Variants in PRKDC observed in about 807,000 individuals in gnomAD.
PRKDC encodes the protein DNA-dependent protein kinase catalytic subunit.
Under a neutral mutation model 486.9 loss-of-function variants are expected in PRKDC, and 82 were observed. The observed-to-expected ratio is 0.17, with a 90% confidence interval of 0.14 to 0.20. PRKDC has a LOEUF of 0.20. Among genes scored for constraint, PRKDC ranks in the 10% least tolerant of loss-of-function variants. The pLI is 1.00. For missense variants in PRKDC, 4,504 were observed against 5,038.2 expected (o/e 0.89, Z 3.21); for synonymous variants, 1,895 against 1,837.0 (o/e 1.03, Z -0.81).
At chr8:47,948,102 A>G (rs1461571305) in intron 7 of PRKDC, among the ~76,000 whole-genome samples, 4 of 145,656 alleles carry the variant, frequency 2.7e-5, no homozygotes, top group Admixed American at 6.7e-5. Context: ...ATATTTGCAC[A>G]CACACACACA....
At chr8:47,930,436 C>T (rs911085712) in intron 17 of PRKDC, among the ~76,000 whole-genome samples, 1 of 152,074 alleles carries the variant, frequency 6.6e-6, no homozygotes, top group Non-Finnish European at 1.5e-5. Flanking sequence ...CTATGCCCGG[C>T]GAATTTTTTG....
chr8:47,936,886 A>G lies in PRKDC; in HGVS notation c.1114-369T>C, dbSNP rs375264392. Among the ~76,000 whole-genome samples the G allele has an allele frequency of 1.3e-4, 19 of 150,390 alleles. No individual in the cohort carries two copies. In the South Asian group the frequency reaches 1.5e-3, roughly 12 times the overall value. On this transcript the variant is annotated intron_variant, in intron 11 of 85. Transcript: ENST00000314191. ...GTGATCTGCCCACCTCAGCCTCCCA[A>G]AGTGCTGGGATTACAGGCGGGAGCC...
intron 85 of PRKDC, 83 bp downstream of exon 85, chr8:47,776,761 A>T: frequency 6.6e-7 from 1 of 1,510,186 alleles, no homozygotes; most frequent in Non-Finnish European, 9.1e-7. Flanking sequence ...TCAAGAGCTC[A>T]GCACTTTGTA....
chr8:47,903,444 T>C (rs1219085776), intron 26 of PRKDC, among the ~76,000 whole-genome samples: 1 of 152,244 alleles, frequency 6.6e-6, no homozygotes, highest in African/African-American at 2.4e-5. Flanking sequence ...GAGTTCTGCC[T>C]AACACTTCCA....
intron 76 of PRKDC, among the ~76,000 whole-genome samples, chr8:47,787,127 T>C (rs1229896447): frequency 6.6e-6 from 1 of 152,220 alleles, no homozygotes; most frequent in Non-Finnish European, 1.5e-5. Flanking sequence ...ACTTGAATTA[T>C]AAATCTGATA....
At chr8:47,936,626 C>CTTT in intron 11 of PRKDC, 109 bp from the exon 12 acceptor site, 3 of 1,134,458 alleles carry the variant, frequency 2.6e-6, no homozygotes, top group East Asian at 2.9e-5. Context: ...AACAAGGCTT[C>CTTT]TTTTTTTTTT....
At chr8:47,842,774 G>A (rs993804946) in intron 54 of PRKDC, among the ~76,000 whole-genome samples, 3 of 152,158 alleles carry the variant, frequency 2.0e-5, no homozygotes, top group Admixed American at 6.5e-5. Flanking sequence ...TTCAGAATCC[G>A]GATGGCGAGA....
chr8:47,782,007 T>C lies in PRKDC; in HGVS notation c.11489+155A>G, dbSNP rs2086706822. Among the ~76,000 whole-genome samples the C allele has an allele frequency of 1.3e-5, 2 of 152,232 alleles. No homozygotes were observed. The highest frequency in any genetic ancestry group is 4.8e-5 in the African/African-American group (2 of 41,468). ...CGGTAAAATATCTGCAACTACTGGTTAGCAGCCAGCACTCCATTTGGTTTA... is the reference window on the plus strand; with the variant it reads ...CGGTAAAATATCTGCAACTACTGGTCAGCAGCCAGCACTCCATTTGGTTTA... On this transcript the variant is annotated intron_variant, in intron 80 of 85. Coordinates refer to ENST00000314191, the MANE Select transcript of PRKDC (RefSeq NM_006904.7). The surrounding 1 kb of genome is among the most constrained non-coding windows in gnomAD (Gnocchi z 4.9).
chr8:47,855,218 A>T lies in PRKDC; in HGVS notation c.6761+4T>A. 1 of 1,589,658 alleles carries T rather than the reference A, an allele frequency of 6.3e-7. No homozygotes were observed. The highest frequency in any genetic ancestry group is 1.8e-5 in the Admixed American group (1 of 55,572). On this transcript the variant is annotated splice_donor_region_variant and intron_variant, in intron 50 of 85. Transcript: ENST00000314191. ...AACAATACTGCAAAAACCAGTAAACATACCTATAAGGGATGGATAAACAAT... is the reference window on the plus strand; with the variant it reads ...AACAATACTGCAAAAACCAGTAAACTTACCTATAAGGGATGGATAAACAAT...
chr8:47,938,835 G>T (rs1266764603), intron 11 of PRKDC, among the ~76,000 whole-genome samples: 1 of 152,088 alleles, frequency 6.6e-6, no homozygotes, highest in African/African-American at 2.4e-5. Flanking sequence ...GCGGTGAGAT[G>T]GTGAGATTAC....
rs371553528 is a variant in PRKDC, at chr8:47,932,203, C to A, written c.1776+817G>T. Among the ~76,000 whole-genome samples the A allele has an allele frequency of 3.2e-4, 48 of 152,350 alleles. No individual in the cohort carries two copies. In the East Asian group the frequency reaches 6.0e-3, roughly 19 times the overall value. On this transcript the variant is annotated intron_variant, in intron 16 of 85. Coordinates refer to ENST00000314191, the MANE Select transcript of PRKDC (RefSeq NM_006904.7). ...GGTTCATGCCATTCTCCTGCCTCAG[C>A]CTCCCGAGCAGCTGGGACTACAGGC...
At position 47,777,881 on chromosome 8, in the gene PRKDC, A is replaced by G; in HGVS notation, c.11854-7T>C. 1 of 1,613,042 alleles carries G rather than the reference A, an allele frequency of 6.2e-7. No individual in the cohort carries two copies. Among genetic ancestry groups the G allele is most frequent in the Non-Finnish European group, 8.5e-7 (1 of 1,179,374 alleles). On this transcript the variant is annotated splice_polypyrimidine_tract_variant and splice_region_variant and intron_variant, in intron 83 of 85. Transcript: ENST00000314191. ...ACTCAGGGACTGGCAGAAACTAAAC[A>G]AGAAAAAAGGCAAGGAGCAGAATAT...
intron 4 of PRKDC, among the ~76,000 whole-genome samples, chr8:47,955,144 ACT>A (rs2090680579): frequency 1.4e-5 from 2 of 147,886 alleles, no homozygotes; most frequent in African/African-American, 2.5e-5. Flanking sequence ...ACAGAACAAG[ACT>A]CTGTCTCAAA....
At chr8:47,884,214 T>A (rs568017363) in intron 36 of PRKDC, among the ~76,000 whole-genome samples, 1 of 152,318 alleles carries the variant, frequency 6.6e-6, no homozygotes, top group East Asian at 1.9e-4. Context: ...TCTCCTCAAG[T>A]GGGGAGGATC....
chr8:47,794,591 A>C (rs1243817287), intron 73 of PRKDC, 90 bp from the exon 74 acceptor site: 6 of 1,184,512 alleles, frequency 5.1e-6, no homozygotes, highest in Non-Finnish European at 7.0e-6. Flanking sequence ...AAGAAAACTC[A>C]GAAGTATAAA....
intron 76 of PRKDC, among the ~76,000 whole-genome samples, chr8:47,788,203 T>C (rs1325598691): frequency 6.6e-6 from 1 of 152,200 alleles, no homozygotes; most frequent in African/African-American, 2.4e-5. Context: ...CTTCTGGAGA[T>C]CCCTGCGTGG....
At position 47,939,513 on chromosome 8, in the gene PRKDC, G is replaced by C. The variant is rs535612923; in HGVS notation, c.1113+38C>G. 1.3e-5 allele frequency: 20 copies of C among 1,593,600 alleles called. No individual in the cohort carries two copies. The African/African-American group carries it at 2.6e-4, about 20-fold the overall frequency. On this transcript the variant is annotated intron_variant, in intron 11 of 85. Coordinates refer to ENST00000314191, the MANE Select transcript of PRKDC (RefSeq NM_006904.7). ...ATTAGATTCCTTTAAACAATCACGT[G>C]AAACCAAGACAAAATAGAGTAAGTT...
chr8:47,778,363 T>C lies in PRKDC; in HGVS notation c.11853+96A>G, dbSNP rs1329439683. 7 of 1,310,848 alleles carry C rather than the reference T, an allele frequency of 5.3e-6. No homozygotes were observed. The Admixed American group carries it at 6.8e-5, about 13-fold the overall frequency. The allele number at this position is 1,310,848 out of a possible 1,614,324, so 81.2% of individuals were successfully genotyped here. On this transcript the variant is annotated intron_variant, in intron 83 of 85. Transcript: ENST00000314191. ...TGACAAAACGAATCTAACTAATATG[T>C]TGTTTTTCCTTAAAAACTGTCTATT...
chr8:47,925,026 T>TG (rs2090134337), intron 21 of PRKDC, among the ~76,000 whole-genome samples: 1 of 152,206 alleles, frequency 6.6e-6, no homozygotes, highest in South Asian at 2.1e-4. Context: ...TCCCAACACG[T>TG]GGGTGCCTCA....
Sources: gnomAD v4.1 joint callset for allele counts (sites outside exome capture counted in the v4.1 genomes callset) on GRCh38, gnomAD v4.1.1 for gene constraint, Gnocchi (gnomAD v3.1) non-coding constraint, MANE v1.5 for transcripts, NCBI Gene and HGNC (gene_info 2026-07-23, HGNC 2026-07-21) for gene names.